The following WDPCP variants were observed in gnomAD, a reference collection of about 807,000 sequenced individuals.
WDPCP encodes WD repeat containing planar cell polarity effector, also known as WD repeat-containing and planar cell polarity effector protein fritz homolog.
WDPCP carries 71 observed loss-of-function variants against 93.1 expected under a neutral mutation model. The observed-to-expected ratio is 0.76, with a 90% CI of 0.63 to 0.93. The LOEUF is 0.93. WDPCP is among the 40% of genes least tolerant of loss of function. WDPCP has a pLI of 0.00. For synonymous variants in WDPCP, 315 were observed against 315.0 expected (o/e 1.00, Z 0.00); for missense variants, 844 against 887.4 (o/e 0.95, Z 0.62).
chr2:63,212,991 C>G (rs1228301764), intron 14 of WDPCP, among the ~76,000 whole-genome samples: 2 of 152,158 alleles, frequency 1.3e-5, no homozygotes. Context: ...TAGAGACCTA[C>G]AAAGAGACTT....
At chr2:63,522,186 C>T (rs1558749756) in intron 1 of WDPCP, among the ~76,000 whole-genome samples, 2 of 151,808 alleles carry the variant, frequency 1.3e-5, no homozygotes, top group Non-Finnish European at 2.9e-5. Context: ...CTCCTCTAGC[C>T]CCCCACCCCC....
chr2:63,610,346 A>G (rs939539063), intron 3 of WDPCP, among the ~76,000 whole-genome samples: 1 of 152,190 alleles, frequency 6.6e-6, no homozygotes, highest in African/African-American at 2.4e-5. Context: ...GACCCTGGTA[A>G]TGTTTCCTGA....
chr2:63,835,325 G>A, the WDPCP span, among the ~76,000 whole-genome samples: 2 of 150,560 alleles, frequency 1.3e-5, no homozygotes, highest in African/African-American at 4.9e-5. Context: ...GGGAGGCAGA[G>A]GTTGCAGTGA....
At chr2:63,482,101 T>A (rs1700299276) in intron 6 of WDPCP, among the ~76,000 whole-genome samples, 1 of 152,038 alleles carries the variant, frequency 6.6e-6, no homozygotes, top group Admixed American at 6.6e-5. Context: ...GAAAACTCAC[T>A]GTTTGACACA....
At chr2:63,259,903 C>T (rs575553277) in intron 13 of WDPCP, among the ~76,000 whole-genome samples, 13 of 152,160 alleles carry the variant, frequency 8.5e-5, no homozygotes, top group African/African-American at 2.6e-4. Flanking sequence ...TGGAGTATGG[C>T]GATCAATTAT....
At chr2:63,430,061 T>C (rs1696625111) in intron 9 of WDPCP, among the ~76,000 whole-genome samples, 1 of 150,746 alleles carries the variant, frequency 6.6e-6, no homozygotes, top group African/African-American at 2.4e-5. Flanking sequence ...AGAACAAAAG[T>C]ATGTCCTTTC....
At chr2:63,526,775 C>T (rs1265988058) in intron 1 of WDPCP, among the ~76,000 whole-genome samples, 2 of 152,138 alleles carry the variant, frequency 1.3e-5, no homozygotes, top group Non-Finnish European at 2.9e-5. Context: ...TACTTCAATC[C>T]CAGTTTTTTG....
At chr2:63,400,198 C>T (rs1034590639) in intron 10 of WDPCP, among the ~76,000 whole-genome samples, 3 of 152,222 alleles carry the variant, frequency 2.0e-5, no homozygotes, top group Admixed American at 6.5e-5. Context: ...TTTCAGGGCA[C>T]AGCTAGTAAT....
chr2:63,372,169 G>C (rs573369771), intron 12 of WDPCP, among the ~76,000 whole-genome samples: 156 of 152,196 alleles, frequency 1.0e-3, no homozygotes, highest in Non-Finnish European at 1.6e-3. Context: ...AGCCACCAAT[G>C]TTTAACCAAC....
At chr2:63,288,189 C>T (rs913353657) in intron 13 of WDPCP, among the ~76,000 whole-genome samples, 14 of 152,158 alleles carry the variant, frequency 9.2e-5, no homozygotes, top group South Asian at 4.1e-4. Flanking sequence ...ACTGGACCTG[C>T]GCCAATGGCC....
intron 6 of WDPCP, among the ~76,000 whole-genome samples, chr2:63,450,903 G>A (rs1363115324): frequency 6.6e-6 from 1 of 152,048 alleles, no homozygotes; most frequent in Non-Finnish European, 1.5e-5. Context: ...TACACCAGAT[G>A]GGCAGCTATC....
chr2:63,754,529 A>C (rs967067792), intron 2 of WDPCP, among the ~76,000 whole-genome samples: 1 of 152,232 alleles, frequency 6.6e-6, no homozygotes, highest in Admixed American at 6.5e-5. Context: ...ACTTGATGTA[A>C]GGAAGAAATA....
At chr2:63,440,437 A>G (rs1001633507) in intron 6 of WDPCP, 3 of 152,372 alleles carry the variant, frequency 2.0e-5, no homozygotes, top group African/African-American at 7.2e-5. Context: ...TTAAATTTTT[A>G]AAATCATAAA....
intron 14 of WDPCP, among the ~76,000 whole-genome samples, chr2:63,250,242 C>G (rs1222554310): frequency 6.6e-6 from 1 of 152,140 alleles, no homozygotes; most frequent in Non-Finnish European, 1.5e-5. Context: ...GACTTATGGG[C>G]AGGTGGCATA....
At chr2:63,606,180 A>C in intron 3 of WDPCP, 1 of 721,724 alleles carries the variant, frequency 1.4e-6, no homozygotes, top group Non-Finnish European at 2.4e-6. Flanking sequence ...CCAGGAGTTC[A>C]AGACCAGCCG....
intron 13 of WDPCP, among the ~76,000 whole-genome samples, chr2:63,263,664 T>C (rs544912781): frequency 1.3e-5 from 2 of 152,344 alleles, no homozygotes; most frequent in East Asian, 3.9e-4. Flanking sequence ...GAAATGGTCA[T>C]AGTCTAAATG....
At chr2:63,757,965 T>C (rs1669994407) in intron 2 of WDPCP, among the ~76,000 whole-genome samples, 1 of 152,228 alleles carries the variant, frequency 6.6e-6, no homozygotes, top group South Asian at 2.1e-4. Context: ...ATGAAAGTTG[T>C]TTGTTACTAC....
upstream of WDPCP, among the ~76,000 whole-genome samples, chr2:63,591,757 C>G (rs1165223694): frequency 6.6e-6 from 1 of 152,108 alleles, no homozygotes; most frequent in Non-Finnish European, 1.5e-5. Context: ...TACAGAGCAA[C>G]AGAAATGTAA....
intron 14 of WDPCP, among the ~76,000 whole-genome samples, chr2:63,193,275 A>G (rs1049951010): frequency 2.6e-5 from 4 of 152,268 alleles, no homozygotes; most frequent in African/African-American, 9.6e-5. Context: ...TTTTTTCCAA[A>G]AAAAGCTTTG....
Sources: allele counts gnomAD v4.1 joint callset (sites outside exome capture counted in the v4.1 genomes callset), GRCh38; gene constraint gnomAD v4.1.1; transcripts MANE v1.5; gene names NCBI Gene and HGNC (gene_info 2026-07-23, HGNC 2026-07-21).